KCNH1: variants seen among roughly 807,000 people sequenced by gnomAD.
KCNH1 encodes voltage-gated delayed rectifier potassium channel KCNH1.
In KCNH1, 27 loss-of-function variants were observed where a neutral mutation model predicts 69.2. The observed-to-expected ratio is 0.39, with a 90% CI of 0.29 to 0.54. KCNH1 has a LOEUF of 0.54. KCNH1 is among the 20% of genes least tolerant of loss of function. KCNH1 has a pLI of 0.68. For missense variants in KCNH1, 798 were observed against 1,261.6 expected, an observed-to-expected ratio of 0.63 and a Z score of 5.57; for synonymous variants, 456 against 487.7, an observed-to-expected ratio of 0.93 and a Z score of 0.86.
chr1:210,733,435 T>C (rs1169186681), intron 10 of KCNH1, among the ~76,000 whole-genome samples: 1 of 152,232 alleles, frequency 6.6e-6, no homozygotes, highest in Non-Finnish European at 1.5e-5. Flanking sequence ...CCCCTTCATC[T>C]TCAATTACCG....
rs547997302 is a variant in KCNH1, at chr1:210,799,508, C to T, written c.1663-1748G>A. Among the ~76,000 whole-genome samples, 5 of 152,228 alleles carry T rather than the reference C, an allele frequency of 3.3e-5. No homozygotes were observed. The East Asian group carries it at 7.7e-4, about 24-fold the overall frequency. On this transcript the variant is annotated intron_variant, in intron 8 of 10. Coordinates refer to ENST00000271751, the MANE Select transcript of KCNH1 (RefSeq NM_172362.3). ...AAAAGATTAAAAATTTACAGGTTTT[C>T]CTAGAGGGAGAAATATTTCTCTGGA...
At chr1:210,773,216 C>A (rs898450743) in intron 10 of KCNH1, among the ~76,000 whole-genome samples, 3 of 152,172 alleles carry the variant, frequency 2.0e-5, no homozygotes, top group Non-Finnish European at 4.4e-5. Context: ...CCAGGAAGAA[C>A]ATTGGATGCA....
rs1164564038 is a variant in KCNH1 at position 211,045,041 on chromosome 1, G to GATATATAGAT, written c.559-25786_559-25785insATCTATATAT. On this transcript the variant is annotated intron_variant, in intron 5 of 10. Coordinates refer to ENST00000271751, the MANE Select transcript of KCNH1 (RefSeq NM_172362.3). ...ATCAATGTGTGGATAAATTGTGGGGGATATATATATATATATATGAATAAT... is the reference window on the plus strand; with the variant it reads ...ATCAATGTGTGGATAAATTGTGGGGGATATATAGATATATATATATATATATATGAATAAT... Among the ~76,000 whole-genome samples, 5 of 81,718 alleles carry GATATATAGAT rather than the reference G, an allele frequency of 6.1e-5. 1 individual carries two copies. The highest frequency in any genetic ancestry group is 1.3e-4 in the African/African-American group (3 of 23,570). 53.6% of individuals were successfully genotyped at this position (81,718 alleles called of 152,430 possible).
chr1:210,895,216 A>G (rs1460258994), intron 7 of KCNH1, among the ~76,000 whole-genome samples: 1 of 151,440 alleles, frequency 6.6e-6, no homozygotes, highest in Non-Finnish European at 1.5e-5. Flanking sequence ...ATAACCTTGG[A>G]CAAATTAATC....
intron 10 of KCNH1, among the ~76,000 whole-genome samples, chr1:210,729,342 T>C (rs562573169): frequency 2.2e-4 from 34 of 152,334 alleles, no homozygotes; most frequent in African/African-American, 7.2e-4. Context: ...TGTCCTTTCC[T>C]TGTGCTTCAA....
intron 7 of KCNH1, among the ~76,000 whole-genome samples, chr1:210,872,121 G>A (rs1202074636): frequency 2.9e-5 from 4 of 136,380 alleles, no homozygotes; most frequent in Non-Finnish European, 6.3e-5. Flanking sequence ...AAAACATTCA[G>A]TGGAAAAAAG....
At chr1:210,988,943 A>G (rs1688893475) in intron 6 of KCNH1, among the ~76,000 whole-genome samples, 1 of 152,248 alleles carries the variant, frequency 6.6e-6, no homozygotes, top group African/African-American at 2.4e-5. Flanking sequence ...TGTCTCTATC[A>G]TGGCTTGGAA....
intron 10 of KCNH1, among the ~76,000 whole-genome samples, chr1:210,753,636 G>A (rs190761747): frequency 6.6e-6 from 1 of 152,258 alleles, no homozygotes; most frequent in Non-Finnish European, 1.5e-5. Flanking sequence ...TAAACTCACT[G>A]GGGGGTTGTA....
At chr1:210,745,255 T>G (rs566313920) in intron 10 of KCNH1, among the ~76,000 whole-genome samples, 1 of 133,406 alleles carries the variant, frequency 7.5e-6, no homozygotes, top group African/African-American at 2.7e-5. Context: ...AAAAATGCCA[T>G]GAGTAAAAGC....
intron 7 of KCNH1, chr1:210,859,934 C>A: frequency 6.6e-7 from 1 of 1,520,326 alleles, no homozygotes; most frequent in African/African-American, 1.4e-5. Context: ...TTGCAACTTG[C>A]ATACCCATAG....
At chr1:210,725,711 A>C (rs1215126371) in intron 10 of KCNH1, among the ~76,000 whole-genome samples, 1 of 152,208 alleles carries the variant, frequency 6.6e-6, no homozygotes, top group Non-Finnish European at 1.5e-5. Context: ...AAGGCTCTTC[A>C]GAAAATGGCT....
intron 4 of KCNH1, among the ~76,000 whole-genome samples, chr1:211,084,062 C>T (rs1167272720): frequency 6.6e-6 from 1 of 152,094 alleles, no homozygotes; most frequent in Non-Finnish European, 1.5e-5. Context: ...ACCCTGATGC[C>T]ACAAAGCAGA....
At chr1:210,971,481 C>G (rs1688510475) in intron 6 of KCNH1, among the ~76,000 whole-genome samples, 1 of 152,086 alleles carries the variant, frequency 6.6e-6, no homozygotes, top group South Asian at 2.1e-4. Flanking sequence ...TTAGTTACAT[C>G]AAAATCCAAG....
intron 7 of KCNH1, among the ~76,000 whole-genome samples, chr1:210,902,543 C>A (rs1687018094): frequency 6.6e-6 from 1 of 152,204 alleles, no homozygotes; most frequent in African/African-American, 2.4e-5. Context: ...TGCTGCCGGG[C>A]AGCCCGTCTG....
At chr1:211,086,539 T>C (rs1368383510) in intron 4 of KCNH1, among the ~76,000 whole-genome samples, 1 of 150,644 alleles carries the variant, frequency 6.6e-6, no homozygotes, top group East Asian at 1.9e-4. Flanking sequence ...AGAGGAAGAG[T>C]ATAGAGAGAA....
chr1:210,750,830 AATC>A (rs1239700041), intron 10 of KCNH1, among the ~76,000 whole-genome samples: 91 of 152,290 alleles, frequency 6.0e-4, no homozygotes, highest in African/African-American at 2.1e-3. Flanking sequence ...ATACTATTAG[AATC>A]CAAGTTTGGG....
intron 10 of KCNH1, among the ~76,000 whole-genome samples, chr1:210,726,288 T>C (rs1682588904): frequency 6.6e-6 from 1 of 152,074 alleles, no homozygotes. Context: ...AATAACACCA[T>C]AAGCAAGCAG....
At chr1:210,848,665 T>A (rs905953476) in intron 7 of KCNH1, among the ~76,000 whole-genome samples, 3 of 152,212 alleles carry the variant, frequency 2.0e-5, no homozygotes, top group Non-Finnish European at 4.4e-5. Context: ...CAAGATAGAA[T>A]CTTGGTCACG....
intron 5 of KCNH1, among the ~76,000 whole-genome samples, chr1:211,021,011 G>A (rs1689578485): frequency 6.6e-6 from 1 of 152,142 alleles, no homozygotes; most frequent in Non-Finnish European, 1.5e-5. Context: ...GCAGCAACCT[G>A]CATGAGATTG....
Sources: allele counts gnomAD v4.1 joint callset (sites outside exome capture counted in the v4.1 genomes callset), GRCh38; gene constraint gnomAD v4.1.1; transcripts MANE v1.5; gene names NCBI Gene and HGNC (gene_info 2026-07-23, HGNC 2026-07-21).